The following UTRN variants were observed in gnomAD, a reference collection of about 807,000 sequenced individuals.
The protein encoded by UTRN is dystrophin-related protein 1.
In UTRN, 283 loss-of-function variants were observed where a neutral mutation model predicts 463.9. That is an observed-to-expected ratio of 0.61 (90% CI 0.55 to 0.67). The LOEUF (loss-of-function observed/expected upper bound fraction) is 0.67, where lower values mean the gene tolerates loss of function less well. Among genes scored for constraint, UTRN ranks in the 30% least tolerant of loss-of-function variants. The probability of loss-of-function intolerance (pLI) is 0.00; values close to 1 mark genes in which losing one functional copy is unlikely to be tolerated. For synonymous variants in UTRN, 1,442 were observed against 1,431.5 expected (o/e 1.01, Z -0.17); for missense variants, 3,922 against 4,084.3 (o/e 0.96, Z 1.08).
chr6:144,598,928 C>T (rs1803944352), intron 51 of UTRN, among the ~76,000 whole-genome samples: 1 of 152,128 alleles, frequency 6.6e-6, no homozygotes, highest in East Asian at 1.9e-4. Flanking sequence ...GTTTCCAAAT[C>T]AGAATGAATA....
At chr6:144,469,124 C>T (rs1790244905) in intron 23 of UTRN, among the ~76,000 whole-genome samples, 1 of 152,186 alleles carries the variant, frequency 6.6e-6, no homozygotes, top group African/African-American at 2.4e-5. Flanking sequence ...GATATATAAG[C>T]AGTAGCCATT....
chr6:144,400,072 G>T (rs60953385), intron 2 of UTRN, among the ~76,000 whole-genome samples: 1 of 152,066 alleles, frequency 6.6e-6, no homozygotes, highest in Non-Finnish European at 1.5e-5. Flanking sequence ...ATGGAGAAAG[G>T]TCATTAATGG....
intron 51 of UTRN, among the ~76,000 whole-genome samples, chr6:144,637,944 G>A (rs1470117260): frequency 6.6e-6 from 1 of 152,174 alleles, no homozygotes; most frequent in Non-Finnish European, 1.5e-5. Context: ...CAACTTGAGT[G>A]AATAGGAGGA....
At chr6:144,315,847 G>C (rs1775248824) in intron 2 of UTRN, among the ~76,000 whole-genome samples, 1 of 152,210 alleles carries the variant, frequency 6.6e-6, no homozygotes, top group African/African-American at 2.4e-5. Context: ...ATCTGGTGAT[G>C]ATCTGGCAGA....
At chr6:144,494,745 T>A (rs1312482591) in intron 33 of UTRN, among the ~76,000 whole-genome samples, 1 of 151,910 alleles carries the variant, frequency 6.6e-6, no homozygotes, top group Non-Finnish European at 1.5e-5. Context: ...CCCACCAGAG[T>A]AGCTAGATAC....
At chr6:144,602,664 T>A (rs1297415926) in intron 51 of UTRN, among the ~76,000 whole-genome samples, 5 of 152,168 alleles carry the variant, frequency 3.3e-5, no homozygotes, top group Admixed American at 6.5e-5. Flanking sequence ...AAATTCTCAG[T>A]ATCGCCTCCT....
chr6:144,730,823 T>G (rs2128714140), intron 54 of UTRN, among the ~76,000 whole-genome samples: 1 of 151,490 alleles, frequency 6.6e-6, no homozygotes, highest in South Asian at 2.1e-4. Context: ...TAATTGCAAG[T>G]AGTAGAAAGT....
chr6:144,571,637 A>G (rs1800948008), intron 50 of UTRN, among the ~76,000 whole-genome samples: 1 of 152,194 alleles, frequency 6.6e-6, no homozygotes, highest in South Asian at 2.1e-4. Flanking sequence ...GTAAATACAT[A>G]TACAGTGTTG....
chr6:144,832,484 C>T (rs77927095), intron 69 of UTRN, among the ~76,000 whole-genome samples: 6,929 of 152,232 alleles, frequency 0.046, 480 homozygotes, highest in African/African-American at 0.15. Context: ...GCTGGTTTCA[C>T]TATGGATAGT....
chr6:144,678,768 C>T (rs996759654), intron 52 of UTRN, among the ~76,000 whole-genome samples, 190 bp downstream of exon 52: 1 of 152,164 alleles, frequency 6.6e-6, no homozygotes, highest in African/African-American at 2.4e-5. Flanking sequence ...CCAATACTTT[C>T]TGCCACCTGT....
chr6:144,549,268 A>G (rs1045458505), intron 47 of UTRN, among the ~76,000 whole-genome samples: 4 of 152,222 alleles, frequency 2.6e-5, no homozygotes. Context: ...ACTACTATAC[A>G]TGTACCATCT....
At chr6:144,648,358 G>A (rs1778486162) in intron 51 of UTRN, among the ~76,000 whole-genome samples, 1 of 152,110 alleles carries the variant, frequency 6.6e-6, no homozygotes, top group African/African-American at 2.4e-5. Context: ...AAGCACAGTG[G>A]GGAGAGACCT....
intron 41 of UTRN, 57 bp downstream of exon 41, chr6:144,523,245 G>A (rs887139670): frequency 3.7e-5 from 49 of 1,320,924 alleles, no homozygotes; most frequent in Admixed American, 7.5e-5. Context: ...GTTCATGGGC[G>A]TGAAGAAGAT....
At chr6:144,693,728 G>A (rs1783676013) in intron 52 of UTRN, among the ~76,000 whole-genome samples, 2 of 151,474 alleles carry the variant, frequency 1.3e-5, no homozygotes, top group Non-Finnish European at 2.9e-5. Context: ...AGTGATTTTT[G>A]CACATTGATT....
chr6:144,728,428 T>G (rs1343956289), intron 53 of UTRN, among the ~76,000 whole-genome samples: 2 of 152,006 alleles, frequency 1.3e-5, no homozygotes, highest in Admixed American at 1.3e-4. Context: ...CTTGTATCTC[T>G]TTTTATTTCC....
chr6:144,748,315 A>G lies in UTRN; in HGVS notation c.8009A>G (p.Glu2670Gly), dbSNP rs1489775652. 1.2e-6 allele frequency: 2 copies of G among 1,613,438 alleles called. No homozygotes were observed. Among genetic ancestry groups the G allele is most frequent in the South Asian group, 2.2e-5 (2 of 91,074 alleles). Residue 2670 changes from glutamate to glycine, a missense_variant, in exon 55 of 75, where the codon GAA becomes GGA. Transcript: ENST00000367545. ...CGCAAACAGTCTTCTGAAGTCAAAG[A>G]AAAATGGGAAAGTCTAAATGCTGTA... ...AMRKQSSEVK[E>G]KWESLNAVTS...
intron 51 of UTRN, among the ~76,000 whole-genome samples, chr6:144,604,069 T>C (rs1320440222): frequency 6.6e-6 from 1 of 152,222 alleles, no homozygotes; most frequent in Non-Finnish European, 1.5e-5. Flanking sequence ...TAAAATTAGA[T>C]ACTGTTTTAC....
chr6:144,790,839 T>C (rs1247854568), intron 62 of UTRN, among the ~76,000 whole-genome samples: 1 of 152,190 alleles, frequency 6.6e-6, no homozygotes, highest in Non-Finnish European at 1.5e-5. Flanking sequence ...TCTGAAACAA[T>C]TAGGGTTCTC....
chr6:144,505,853 C>A (rs140028199), intron 34 of UTRN, among the ~76,000 whole-genome samples: 1 of 152,052 alleles, frequency 6.6e-6, no homozygotes, highest in African/African-American at 2.4e-5. Context: ...GCCAGTTGGG[C>A]GTTAAAGTAT....
Sources: gnomAD v4.1 joint callset for allele counts (sites outside exome capture counted in the v4.1 genomes callset) on GRCh38, gnomAD v4.1.1 for gene constraint, MANE v1.5 for transcripts, NCBI Gene and HGNC (gene_info 2026-07-23, HGNC 2026-07-21) for gene names.